Variants in SMOC1 observed in about 807,000 individuals in gnomAD.
SMOC1 encodes SPARC-related modular calcium-binding protein 1.
Under a neutral mutation model 56.3 loss-of-function variants are expected in SMOC1, and 22 were observed. That is an observed-to-expected ratio of 0.39 (90% CI 0.28 to 0.56). SMOC1 has a LOEUF of 0.56. SMOC1 is among the 20% of genes least tolerant of loss of function. SMOC1 has a pLI of 0.61. For synonymous variants in SMOC1, 193 were observed against 215.0 expected, an observed-to-expected ratio of 0.90 and a Z score of 0.89; for missense variants, 509 against 565.4, an observed-to-expected ratio of 0.90 and a Z score of 1.01.
intron 3 of SMOC1, among the ~76,000 whole-genome samples, chr14:69,965,399 A>AATAATAATAATAATAATAATC (rs1212605422): frequency 8.6e-5 from 13 of 150,948 alleles, no homozygotes; most frequent in African/African-American, 2.9e-4. Flanking sequence ...TAATAATAAT[A>AATAATAATAATAATAATAATC]ATAATAAAAA....
At chr14:69,919,989 A>G (rs1459411586) in intron 1 of SMOC1, among the ~76,000 whole-genome samples, 1 of 143,280 alleles carries the variant, frequency 7.0e-6, no homozygotes, top group Non-Finnish European at 1.5e-5. Flanking sequence ...AGTGCCTGCC[A>G]TCATCCATTA....
chr14:70,011,467 A>AAAAAAAAATTT lies in SMOC1; in HGVS notation c.858-18_858-17insAAAAAAAATTT. On this transcript the variant is annotated splice_polypyrimidine_tract_variant and intron_variant, in intron 8 of 11. Coordinates refer to ENST00000361956, the MANE Select transcript of SMOC1 (RefSeq NM_001034852.3). ...TTGCCAGCCCCTCCCAACCCCCCCC[A>AAAAAAAAATTT]TATCTCTCTTTTCCCAGCTACGTGA... 1.4e-6 allele frequency: 1 copy of AAAAAAAAATTT among 714,518 alleles called. No individual in the cohort carries two copies. 44.3% of individuals were successfully genotyped at this position (714,518 alleles called of 1,614,324 possible). A position where few individuals can be genotyped will look rare whatever the true frequency, so the allele number is the denominator to read the frequency against.
intron 1 of SMOC1, among the ~76,000 whole-genome samples, chr14:69,888,903 G>A (rs964626894): frequency 2.3e-4 from 35 of 152,198 alleles, no homozygotes; most frequent in Admixed American, 1.8e-3. Context: ...AAAAGGACGT[G>A]TATTACTCCT....
chr14:69,933,663 G>A (rs1282602370), intron 1 of SMOC1, among the ~76,000 whole-genome samples: 1 of 152,080 alleles, frequency 6.6e-6, no homozygotes, highest in Non-Finnish European at 1.5e-5. Flanking sequence ...GACTACAGGT[G>A]CACACCACCA....
intron 3 of SMOC1, among the ~76,000 whole-genome samples, chr14:69,973,969 G>A (rs540210331): frequency 6.6e-5 from 10 of 151,102 alleles, no homozygotes; most frequent in African/African-American, 2.4e-4. Flanking sequence ...CTTTGCAGTT[G>A]GCACATGTCT....
At chr14:69,933,366 T>G (rs1302278278) in intron 1 of SMOC1, among the ~76,000 whole-genome samples, 1 of 75,558 alleles carries the variant, frequency 1.3e-5, no homozygotes, top group African/African-American at 4.0e-5. Flanking sequence ...AATGAAAGAC[T>G]TTTTTTTTCA....
intron 10 of SMOC1, among the ~76,000 whole-genome samples, chr14:70,019,914 A>G (rs1187851588): frequency 6.6e-6 from 1 of 152,190 alleles, no homozygotes. Flanking sequence ...CCTGCTGTCA[A>G]CTTCATCTGT....
At chr14:69,885,220 G>T (rs1883762866) in intron 1 of SMOC1, 1 of 636,390 alleles carries the variant, frequency 1.6e-6, no homozygotes, top group Non-Finnish European at 2.6e-6. Context: ...TTTCTACAGA[G>T]CATTCTTTTT....
chr14:69,909,134 G>A (rs1332069958), intron 1 of SMOC1, among the ~76,000 whole-genome samples: 7 of 151,926 alleles, frequency 4.6e-5, no homozygotes, highest in Admixed American at 3.3e-4. Flanking sequence ...CAGAAGACAG[G>A]GACTGTCTTA....
chr14:69,971,494 C>T (rs1363435688), intron 3 of SMOC1, among the ~76,000 whole-genome samples: 1 of 152,122 alleles, frequency 6.6e-6, no homozygotes, highest in Non-Finnish European at 1.5e-5. Context: ...GTATCTGTAC[C>T]TTTTGGGCCA....
At chr14:69,912,715 C>T (rs1457109931) in intron 1 of SMOC1, among the ~76,000 whole-genome samples, 1 of 152,168 alleles carries the variant, frequency 6.6e-6, no homozygotes, top group East Asian at 1.9e-4. Context: ...CCAGCCATAA[C>T]ACTTGCTTTC....
At position 70,011,317 on chromosome 14, in the gene SMOC1, T is replaced by C. The variant is rs564959887; in HGVS notation, c.858-168T>C. On this transcript the variant is annotated intron_variant, in intron 8 of 11. Coordinates refer to ENST00000361956, the MANE Select transcript of SMOC1 (RefSeq NM_001034852.3). ...GCCTGAACATGTCTCAGTGGGAACA[T>C]TGATGCTAAGATTGCCTTGTAGCTG... Among the ~76,000 whole-genome samples the C allele has an allele frequency of 1.2e-4, 18 of 152,282 alleles. No homozygotes were observed. The East Asian group carries it at 1.4e-3, about 11-fold the overall frequency.
chr14:69,983,134 G>A (rs1049128387), intron 5 of SMOC1, among the ~76,000 whole-genome samples: 1 of 152,170 alleles, frequency 6.6e-6, no homozygotes, highest in Non-Finnish European at 1.5e-5. Flanking sequence ...GTATTCCAGG[G>A]TCTCTGAAGA....
chr14:69,897,338 T>C (rs1047318254), intron 1 of SMOC1, among the ~76,000 whole-genome samples: 10 of 152,250 alleles, frequency 6.6e-5, no homozygotes, highest in African/African-American at 2.2e-4. Flanking sequence ...CAGCCACACC[T>C]ACTTTTTTTT....
At chr14:69,991,649 C>G (rs79000292) in intron 5 of SMOC1, among the ~76,000 whole-genome samples, 3,190 of 152,246 alleles carry the variant, frequency 0.021, 50 homozygotes, top group Non-Finnish European at 0.033. Flanking sequence ...AGCATTAGGA[C>G]TTTGTTACTG....
At chr14:69,969,628 T>G (rs1365189648) in intron 3 of SMOC1, among the ~76,000 whole-genome samples, 1 of 152,160 alleles carries the variant, frequency 6.6e-6, no homozygotes, top group Non-Finnish European at 1.5e-5. Flanking sequence ...GGGGATTACA[T>G]TTCAACATGA....
At chr14:69,927,320 G>A (rs1319542881) in intron 1 of SMOC1, among the ~76,000 whole-genome samples, 1 of 152,222 alleles carries the variant, frequency 6.6e-6, no homozygotes, top group Non-Finnish European at 1.5e-5. Context: ...ACAAGTGCTG[G>A]ACAGGAAAGG....
At chr14:69,991,606 G>A (rs1007310461) in intron 5 of SMOC1, among the ~76,000 whole-genome samples, 44 of 152,186 alleles carry the variant, frequency 2.9e-4, no homozygotes, top group African/African-American at 9.9e-4. Context: ...TTCTTGCTGT[G>A]CAGAGAGGAC....
intron 1 of SMOC1, among the ~76,000 whole-genome samples, chr14:69,916,191 G>A (rs186846623): frequency 3.3e-5 from 5 of 152,234 alleles, no homozygotes; most frequent in South Asian, 2.1e-4. Flanking sequence ...TTAGAGGTGC[G>A]ACGAAACCTT....
Sources: gnomAD v4.1 joint callset for allele counts (sites outside exome capture counted in the v4.1 genomes callset) on GRCh38, gnomAD v4.1.1 for gene constraint, MANE v1.5 for transcripts, NCBI Gene and HGNC (gene_info 2026-07-23, HGNC 2026-07-21) for gene names.